The following PCDH7 variants were observed in gnomAD, a reference collection of about 807,000 sequenced individuals.
The protein encoded by PCDH7 is protocadherin 7, also known as protocadherin-7.
In PCDH7, 17 loss-of-function variants were observed where a neutral mutation model predicts 58.9. That is an observed-to-expected ratio of 0.29 (90% CI 0.20 to 0.43). The LOEUF is 0.43. Ranked by LOEUF, PCDH7 falls within the 20% of genes least tolerant of loss-of-function variation. The pLI is 1.00. For missense variants in PCDH7, 1,274 were observed against 1,441.0 expected (o/e 0.88, Z 1.88); for synonymous variants, 664 against 616.4 (o/e 1.08, Z -1.14).
At chr4:30,761,166 A>G (rs968397440) in intron 1 of PCDH7, among the ~76,000 whole-genome samples, 2 of 152,226 alleles carry the variant, frequency 1.3e-5, no homozygotes, top group Non-Finnish European at 2.9e-5. Context: ...GGTTCTTGGC[A>G]GTACCTAATG....
intron 1 of PCDH7, among the ~76,000 whole-genome samples, chr4:30,850,143 A>T (rs2109345619): frequency 6.6e-6 from 1 of 152,270 alleles, no homozygotes; most frequent in South Asian, 2.1e-4. Flanking sequence ...TATTACAAGT[A>T]CAACTGAATT....
intron 3 of PCDH7, among the ~76,000 whole-genome samples, chr4:31,138,358 A>G (rs1424457227): frequency 6.6e-6 from 1 of 152,184 alleles, no homozygotes; most frequent in Non-Finnish European, 1.5e-5. Context: ...CTAAGTAGTA[A>G]AATTTGTGAC....
At chr4:31,068,683 G>A (rs1428670172) in intron 3 of PCDH7, among the ~76,000 whole-genome samples, 4 of 152,000 alleles carry the variant, frequency 2.6e-5, no homozygotes, top group African/African-American at 9.7e-5. Context: ...TTCCAAGGAA[G>A]CAGGACGTCT....
intron 2 of PCDH7, among the ~76,000 whole-genome samples, chr4:30,922,469 G>T (rs1743302144): frequency 6.6e-6 from 1 of 151,766 alleles, no homozygotes; most frequent in Non-Finnish European, 1.5e-5. Flanking sequence ...AGTTTATGGG[G>T]ATTCATCACC....
At chr4:31,051,680 G>A (rs965075506) in intron 3 of PCDH7, among the ~76,000 whole-genome samples, 2 of 151,950 alleles carry the variant, frequency 1.3e-5, no homozygotes, top group Non-Finnish European at 2.9e-5. Flanking sequence ...TTTATAATGG[G>A]TAGCAGCAGA....
At chr4:30,727,603 T>A (rs1364523090) in intron 1 of PCDH7, among the ~76,000 whole-genome samples, 1 of 151,968 alleles carries the variant, frequency 6.6e-6, no homozygotes, top group African/African-American at 2.4e-5. Flanking sequence ...AAAATGTGGA[T>A]CATTGACAGC....
chr4:30,998,859 C>T (rs1390043126), intron 3 of PCDH7, among the ~76,000 whole-genome samples: 1 of 151,860 alleles, frequency 6.6e-6, no homozygotes, highest in African/African-American at 2.4e-5. Context: ...CCAAAAGGGT[C>T]CTTTTGAAAA....
intron 3 of PCDH7, among the ~76,000 whole-genome samples, chr4:31,070,381 C>T (rs1198690004): frequency 6.6e-6 from 1 of 152,024 alleles, no homozygotes; most frequent in African/African-American, 2.4e-5. Flanking sequence ...ATGTTTTTAG[C>T]ATCACTGATC....
intron 3 of PCDH7, among the ~76,000 whole-genome samples, chr4:31,105,172 A>G (rs1715392927): frequency 6.6e-6 from 1 of 152,340 alleles, no homozygotes; most frequent in East Asian, 1.9e-4. Context: ...AATAATTGTC[A>G]TACTTCATTT....
At chr4:31,085,231 C>T (rs1712241260) in intron 3 of PCDH7, among the ~76,000 whole-genome samples, 3 of 151,688 alleles carry the variant, frequency 2.0e-5, no homozygotes. Flanking sequence ...TGGGTGGGGC[C>T]GCAAGATCAG....
intron 3 of PCDH7, among the ~76,000 whole-genome samples, chr4:31,057,811 CAG>C (rs1757374149): frequency 6.6e-6 from 1 of 152,094 alleles, no homozygotes; most frequent in African/African-American, 2.4e-5. Context: ...ATAGCACAAT[CAG>C]AATGCAAAAC....
chr4:31,107,011 C>T (rs143955018), intron 3 of PCDH7, among the ~76,000 whole-genome samples: 44 of 152,278 alleles, frequency 2.9e-4, no homozygotes, highest in African/African-American at 9.9e-4. Context: ...TGATTATTTG[C>T]TTAAGGTAAC....
rs540760839 is a variant in PCDH7 at position 31,106,453 on chromosome 4, G to A, written c.*8-36020G>A. 5.9e-5 allele frequency among the ~76,000 whole-genome samples: 9 copies of A among 152,282 alleles called. No individual in the cohort carries two copies. The East Asian group carries it at 1.2e-3, about 20-fold the overall frequency. ...TAGAATGTAGCTGTTCTTGCTATTT[G>A]CATGGCTCTTTCTGAGTGCGATGAA... is the stretch of plus-strand genomic sequence containing the variant. On this transcript the variant is annotated intron_variant, in intron 3 of 3. Coordinates refer to the PCDH7 transcript ENST00000509759.
intron 3 of PCDH7, among the ~76,000 whole-genome samples, chr4:31,065,904 G>A (rs1044664014): frequency 6.6e-6 from 1 of 151,820 alleles, no homozygotes; most frequent in Admixed American, 6.6e-5. Context: ...TAATTTCACT[G>A]CGAAAAATTG....
intron 1 of PCDH7, among the ~76,000 whole-genome samples, chr4:30,899,167 C>T (rs1172966720): frequency 6.6e-6 from 1 of 151,952 alleles, no homozygotes; most frequent in Admixed American, 6.6e-5. Context: ...AAGTCACTGC[C>T]CCAGGGTTTT....
chr4:30,829,457 AC>A (rs1560413304), intron 1 of PCDH7, among the ~76,000 whole-genome samples: 1 of 151,792 alleles, frequency 6.6e-6, no homozygotes, highest in Non-Finnish European at 1.5e-5. Context: ...TAGAAATTTT[AC>A]CCCCCAAGGC....
downstream of PCDH7, chr4:31,143,296 A>AG (rs1222000931): frequency 1.3e-5 from 2 of 155,762 alleles, no homozygotes; most frequent in African/African-American, 4.8e-5. Context: ...TAAGCAGGAC[A>AG]GATAAAATGT....
At chr4:30,847,457 T>C (rs370073684) in intron 1 of PCDH7, among the ~76,000 whole-genome samples, 5 of 152,296 alleles carry the variant, frequency 3.3e-5, no homozygotes, top group African/African-American at 1.2e-4. Flanking sequence ...GAAGGAACTG[T>C]TGCCCACATC....
chr4:31,142,011 A>G (rs972092244), intron 3 of PCDH7, among the ~76,000 whole-genome samples: 1 of 152,224 alleles, frequency 6.6e-6, no homozygotes, highest in Non-Finnish European at 1.5e-5. Flanking sequence ...GCATTCTATG[A>G]ATAATGTATA....
Sources: allele counts gnomAD v4.1 joint callset (sites outside exome capture counted in the v4.1 genomes callset), GRCh38; gene constraint gnomAD v4.1.1; transcripts MANE v1.5; gene names NCBI Gene and HGNC (gene_info 2026-07-23, HGNC 2026-07-21).